The following DPH6 variants were observed in gnomAD, a reference collection of about 807,000 sequenced individuals.
DPH6 encodes diphthine--ammonia ligase.
A neutral mutation model predicts 38.2 loss-of-function variants in DPH6; 33 were observed. That is an observed-to-expected ratio of 0.86 (90% confidence interval 0.65 to 1.15). The LOEUF is 1.15. Among genes scored for constraint, DPH6 ranks in the 50% most tolerant of loss-of-function variants. The probability of loss-of-function intolerance (pLI) is 0.00; values close to 1 mark genes in which losing one functional copy is unlikely to be tolerated. For missense variants in DPH6, 325 were observed against 320.0 expected (o/e 1.02, Z -0.12); for synonymous variants, 108 against 103.0 (o/e 1.05, Z -0.30).
the DPH6 span, among the ~76,000 whole-genome samples, chr15:35,145,760 G>T: frequency 1.4e-4 from 22 of 152,230 alleles, no homozygotes. Context: ...AGCCATCAAA[G>T]AATTATTTTA....
At chr15:35,223,552 G>T (rs2051456959) in intron 3 of DPH6, among the ~76,000 whole-genome samples, 1 of 152,170 alleles carries the variant, frequency 6.6e-6, no homozygotes, top group Non-Finnish European at 1.5e-5. Flanking sequence ...CAGGCACGGT[G>T]GTGGACGCCT....
intron 3 of DPH6, among the ~76,000 whole-genome samples, chr15:35,322,876 T>G (rs1431100565): frequency 6.6e-6 from 1 of 152,144 alleles, no homozygotes; most frequent in Non-Finnish European, 1.5e-5. Flanking sequence ...CAGCTTGTTC[T>G]TATATTCTGA....
At chr15:35,343,588 T>C (rs569047840) in intron 3 of DPH6, among the ~76,000 whole-genome samples, 1 of 152,172 alleles carries the variant, frequency 6.6e-6, no homozygotes, top group East Asian at 1.9e-4. Context: ...CCGTAACTAC[T>C]TTATAAATGT....
the DPH6 span, among the ~76,000 whole-genome samples, chr15:35,191,873 A>G: frequency 2.0e-5 from 3 of 152,082 alleles, no homozygotes; most frequent in Non-Finnish European, 4.4e-5. Context: ...ACATGTAGCT[A>G]TGTCTCTACT....
intron 3 of DPH6, among the ~76,000 whole-genome samples, chr15:35,257,093 A>G (rs1172347217): frequency 6.6e-6 from 1 of 152,246 alleles, no homozygotes; most frequent in Non-Finnish European, 1.5e-5. Flanking sequence ...ATATAGTGCC[A>G]TCAATACTGG....
intron 3 of DPH6, among the ~76,000 whole-genome samples, chr15:35,477,833 A>G (rs980542722): frequency 3.3e-5 from 5 of 151,924 alleles, no homozygotes; most frequent in African/African-American, 1.2e-4. Context: ...TTTAATTAGT[A>G]TATTACATGC....
intron 5 of DPH6, among the ~76,000 whole-genome samples, chr15:35,420,856 C>G (rs190299481): frequency 5.3e-5 from 8 of 152,120 alleles, no homozygotes; most frequent in African/African-American, 1.9e-4. Flanking sequence ...AGGGACAAAC[C>G]CTTAGCTAGA....
chr15:35,544,511 AT>A (rs1595459630), intron 1 of DPH6, among the ~76,000 whole-genome samples: 1 of 152,116 alleles, frequency 6.6e-6, no homozygotes, highest in East Asian at 1.9e-4. Context: ...TAAAAAAAAA[AT>A]TTAAAAAAGG....
At chr15:35,527,069 T>C (rs1190872433) in intron 3 of DPH6, among the ~76,000 whole-genome samples, 1 of 152,176 alleles carries the variant, frequency 6.6e-6, no homozygotes, top group Non-Finnish European at 1.5e-5. Context: ...AACTGAACGT[T>C]TATCATTCGT....
At chr15:35,499,326 C>T (rs934669557) in intron 3 of DPH6, among the ~76,000 whole-genome samples, 2 of 152,092 alleles carry the variant, frequency 1.3e-5, no homozygotes, top group South Asian at 2.1e-4. Flanking sequence ...TTCCTTCTTT[C>T]CCCCCAGGTT....
At chr15:35,466,965 G>A (rs773286161) in intron 3 of DPH6, among the ~76,000 whole-genome samples, 3 of 152,070 alleles carry the variant, frequency 2.0e-5, no homozygotes, top group Non-Finnish European at 4.4e-5. Flanking sequence ...GTGAGTGAAT[G>A]TTGAGTGAAT....
At chr15:35,520,746 A>G in intron 3 of DPH6, 1 of 984,830 alleles carries the variant, frequency 1.0e-6, no homozygotes, top group Non-Finnish European at 1.2e-6. Flanking sequence ...CAAACCAAGT[A>G]GAATATGTAC....
chr15:35,225,910 T>G (rs1362977316), intron 3 of DPH6, among the ~76,000 whole-genome samples: 1 of 152,216 alleles, frequency 6.6e-6, no homozygotes, highest in East Asian at 1.9e-4. Context: ...TCAAAAATAT[T>G]TTTTATTTGT....
the DPH6 span, among the ~76,000 whole-genome samples, chr15:35,179,204 C>CAAAAAAAAAAAAAAAAA: frequency 2.0e-5 from 1 of 50,604 alleles, no homozygotes. Flanking sequence ...ACAACTCTGT[C>CAAAAAAAAAAAAAAAAA]AAAAAAAAAA....
rs144275224 is a variant in DPH6 at position 35,306,253 on chromosome 15, G to A, written n.200+67268C>T. ...GTGAGCTTAAAGTTTATAATACAGT[G>A]TGTTTCTAAACTGTTTTTTATAATA... On this transcript the variant is annotated intron_variant and non_coding_transcript_variant, in intron 3 of 3. Coordinates refer to the DPH6 transcript ENST00000560386. 2.0e-5 allele frequency among the ~76,000 whole-genome samples: 3 copies of A among 152,306 alleles called. No homozygotes were observed. In the East Asian group the frequency reaches 5.8e-4, roughly 29 times the overall value.
chr15:35,241,559 C>T (rs1287993107), intron 3 of DPH6, among the ~76,000 whole-genome samples: 1 of 142,680 alleles, frequency 7.0e-6, no homozygotes, highest in Non-Finnish European at 1.5e-5. Context: ...ACCAAATTAT[C>T]TGCTTCCCTG....
chr15:35,260,628 C>T (rs2051740541), intron 3 of DPH6, among the ~76,000 whole-genome samples: 1 of 151,852 alleles, frequency 6.6e-6, no homozygotes, highest in Non-Finnish European at 1.5e-5. Flanking sequence ...TGATTCTATG[C>T]AGTGATTCCA....
chr15:35,443,193 C>A (rs1009476695), intron 5 of DPH6, among the ~76,000 whole-genome samples: 1 of 152,094 alleles, frequency 6.6e-6, no homozygotes, highest in East Asian at 1.9e-4. Context: ...GAAATTATAT[C>A]ATCAGTAGTG....
chr15:35,450,456 TAA>T (rs1170382391), intron 5 of DPH6, among the ~76,000 whole-genome samples: 45 of 125,158 alleles, frequency 3.6e-4, no homozygotes, highest in Admixed American at 6.5e-4. Flanking sequence ...TGTTATATGT[TAA>T]AAAAAAAAAA....
Sources: gnomAD v4.1 joint callset for allele counts (sites outside exome capture counted in the v4.1 genomes callset) on GRCh38, gnomAD v4.1.1 for gene constraint, MANE v1.5 for transcripts, NCBI Gene and HGNC (gene_info 2026-07-23, HGNC 2026-07-21) for gene names.